The following LPAR1 variants were observed in gnomAD, a reference collection of about 807,000 sequenced individuals.
The protein encoded by LPAR1 is LPA receptor 1.
LPAR1 carries 5 observed loss-of-function variants against 23.8 expected under a neutral mutation model. The ratio of observed to expected loss-of-function variants is 0.21; its 90% CI spans 0.11 to 0.44. LPAR1 has a LOEUF of 0.44. Among genes scored for constraint, LPAR1 ranks in the 20% least tolerant of loss-of-function variants. LPAR1 has a pLI of 0.99. For missense variants in LPAR1, 311 were observed against 482.8 expected (o/e 0.64, Z 3.33); for synonymous variants, 160 against 164.7 (o/e 0.97, Z 0.22).
At chr9:110,990,544 G>A (rs2096874423) in intron 2 of LPAR1, among the ~76,000 whole-genome samples, 1 of 152,014 alleles carries the variant, frequency 6.6e-6, no homozygotes. Flanking sequence ...TGAATATTTT[G>A]AACTAAATGA....
At chr9:111,028,636 A>C (rs1006761700) in intron 2 of LPAR1, among the ~76,000 whole-genome samples, 6 of 146,808 alleles carry the variant, frequency 4.1e-5, no homozygotes, top group African/African-American at 1.5e-4. Context: ...TTTTTTTACC[A>C]AGTAAAGGAC....
At chr9:110,918,719 A>G (rs1314976834) in intron 5 of LPAR1, among the ~76,000 whole-genome samples, 1 of 152,234 alleles carries the variant, frequency 6.6e-6, no homozygotes, top group East Asian at 1.9e-4. Flanking sequence ...AAAATTAAAG[A>G]AAACTTCAAA....
intron 5 of LPAR1, among the ~76,000 whole-genome samples, chr9:110,897,468 C>T (rs1249450780): frequency 6.6e-6 from 1 of 152,210 alleles, no homozygotes; most frequent in Admixed American, 6.5e-5. Flanking sequence ...TCTTTATCAG[C>T]AGTGTGAAAA....
chr9:111,009,634 T>C (rs1327387641), intron 2 of LPAR1, among the ~76,000 whole-genome samples: 1 of 152,042 alleles, frequency 6.6e-6, no homozygotes, highest in African/African-American at 2.4e-5. Context: ...TTCTGAATTA[T>C]ATATGAATCA....
At chr9:110,988,505 A>G (rs1160279530) in intron 2 of LPAR1, among the ~76,000 whole-genome samples, 3 of 152,162 alleles carry the variant, frequency 2.0e-5, no homozygotes, top group Non-Finnish European at 2.9e-5. Context: ...CTGAATAGAT[A>G]TTTTTCTAAG....
intron 2 of LPAR1, among the ~76,000 whole-genome samples, chr9:111,010,138 T>C (rs982436519): frequency 1.3e-5 from 2 of 151,392 alleles, no homozygotes; most frequent in African/African-American, 2.4e-5. Context: ...ATATGCAATA[T>C]ATCTATATAT....
intron 5 of LPAR1, among the ~76,000 whole-genome samples, chr9:110,909,729 G>GTT: frequency 1.4e-5 from 2 of 147,876 alleles, no homozygotes; most frequent in East Asian, 2.0e-4. Context: ...ATTAAATAAA[G>GTT]TATTTATTTA....
At chr9:110,885,999 A>G (rs2082262967) in intron 5 of LPAR1, among the ~76,000 whole-genome samples, 2 of 151,410 alleles carry the variant, frequency 1.3e-5, no homozygotes, top group South Asian at 4.2e-4. Context: ...GGAGTTCAAG[A>G]CCAGCCTGAC....
intron 4 of LPAR1, among the ~76,000 whole-genome samples, chr9:110,969,390 T>C (rs1356783252): frequency 6.6e-6 from 1 of 152,168 alleles, no homozygotes; most frequent in Admixed American, 6.6e-5. Flanking sequence ...GAGTAATATA[T>C]AGCTGTGTAG....
chr9:110,919,201 T>C (rs1444657654), intron 5 of LPAR1, among the ~76,000 whole-genome samples: 2 of 152,022 alleles, frequency 1.3e-5, no homozygotes, highest in African/African-American at 4.8e-5. Context: ...GAAGTACAGA[T>C]TTCTCTCTCT....
At chr9:111,035,255 C>G (rs2097871651) in intron 2 of LPAR1, among the ~76,000 whole-genome samples, 1 of 151,910 alleles carries the variant, frequency 6.6e-6, no homozygotes, top group Non-Finnish European at 1.5e-5. Flanking sequence ...GACAGAGTCT[C>G]TCTGTCACCC....
At chr9:110,988,319 G>C (rs563076840) in intron 2 of LPAR1, among the ~76,000 whole-genome samples, 2 of 151,746 alleles carry the variant, frequency 1.3e-5, no homozygotes, top group Non-Finnish European at 2.9e-5. Context: ...AATATTAATA[G>C]TAATAACATG....
At chr9:110,917,646 C>T (rs748825784) in intron 5 of LPAR1, among the ~76,000 whole-genome samples, 2 of 152,164 alleles carry the variant, frequency 1.3e-5, no homozygotes, top group Non-Finnish European at 2.9e-5. Flanking sequence ...ATAGCTGATG[C>T]ATCCATCACA....
At chr9:111,009,161 A>T (rs886971176) in intron 2 of LPAR1, among the ~76,000 whole-genome samples, 4 of 152,220 alleles carry the variant, frequency 2.6e-5, no homozygotes, top group African/African-American at 4.8e-5. Context: ...TTTTAAGAAG[A>T]TGTAAACAGG....
At chr9:111,019,608 C>T (rs911279471) in intron 2 of LPAR1, among the ~76,000 whole-genome samples, 1 of 151,848 alleles carries the variant, frequency 6.6e-6, no homozygotes, top group Non-Finnish European at 1.5e-5. Context: ...GAGGCCGAGG[C>T]GGGCAGATCA....
At chr9:110,987,670 G>GTATATATA (rs34757955) in intron 2 of LPAR1, among the ~76,000 whole-genome samples, 77 of 148,000 alleles carry the variant, frequency 5.2e-4, no homozygotes, top group African/African-American at 1.7e-3. Flanking sequence ...GAACCTACAT[G>GTATATATA]TATATATATA....
Position 111,011,066 on chromosome 9 carries a change from C to T in LPAR1, c.-182+25056G>A, listed in dbSNP as rs553109141. On this transcript the variant is annotated intron_variant, in intron 2 of 5. Transcript: ENST00000683809. ...AAACTAAAACTTAAGAGCTTCTACA[C>T]CTGCAAATAATAAACTTCAAAGGCA... Among the ~76,000 whole-genome samples, 9 of 152,286 alleles carry T rather than the reference C, an allele frequency of 5.9e-5. No individual in the cohort carries two copies. In the South Asian group the frequency reaches 1.9e-3, roughly 32 times the overall value.
chr9:110,995,862 GT>G (rs1268950304), intron 2 of LPAR1, among the ~76,000 whole-genome samples: 1 of 152,162 alleles, frequency 6.6e-6, no homozygotes, highest in African/African-American at 2.4e-5. Flanking sequence ...GTTAACTCCT[GT>G]TTTCCTGTTA....
intron 2 of LPAR1, among the ~76,000 whole-genome samples, chr9:110,991,410 T>C (rs894783779): frequency 3.9e-5 from 6 of 152,202 alleles, no homozygotes; most frequent in Non-Finnish European, 8.8e-5. Context: ...TGCCTTTTCC[T>C]ACACATAAGA....
Sources: gnomAD v4.1 joint callset for allele counts (sites outside exome capture counted in the v4.1 genomes callset) on GRCh38, gnomAD v4.1.1 for gene constraint, MANE v1.5 for transcripts, NCBI Gene and HGNC (gene_info 2026-07-23, HGNC 2026-07-21) for gene names.